The following DLGAP2 variants were observed in gnomAD, a reference collection of about 807,000 sequenced individuals.
The protein encoded by DLGAP2 is DLG associated protein 2, also known as disks large-associated protein 2.
DLGAP2 carries 26 observed loss-of-function variants against 100.3 expected under a neutral mutation model. That is an observed-to-expected ratio of 0.26 (90% CI 0.19 to 0.36). DLGAP2 has a LOEUF of 0.36. Among genes scored for constraint, DLGAP2 ranks in the 10% least tolerant of loss-of-function variants. The pLI is 1.00. For synonymous variants in DLGAP2, 886 were observed against 630.1 expected (o/e 1.41, Z -6.08); for missense variants, 1,858 against 1,453.2 (o/e 1.28, Z -4.53).
chr8:1,441,683 C>CAAAAAA (rs35789497), intron 3 of DLGAP2, among the ~76,000 whole-genome samples: 1 of 74,580 alleles, frequency 1.3e-5, no homozygotes, highest in Non-Finnish European at 3.1e-5. Flanking sequence ...GACTCCATCT[C>CAAAAAA]AAAAAAAAAA....
chr8:1,129,336 G>T (rs1448789194), intron 2 of DLGAP2, among the ~76,000 whole-genome samples: 1 of 151,072 alleles, frequency 6.6e-6, no homozygotes, highest in Non-Finnish European at 1.5e-5. Flanking sequence ...CCGGGAGGCA[G>T]AGGTTGTAGC....
chr8:1,043,367 T>C (rs1321434777), intron 2 of DLGAP2, among the ~76,000 whole-genome samples: 11 of 148,328 alleles, frequency 7.4e-5, no homozygotes, highest in Admixed American at 7.4e-4. Context: ...GTGTGGGTGG[T>C]GGACGTGGCT....
rs189117480 is a variant in DLGAP2 at position 1,114,684 on chromosome 8, C to T, written c.74-144167C>T. On this transcript the variant is annotated intron_variant, in intron 2 of 14. Coordinates refer to ENST00000637795, the MANE Select transcript of DLGAP2 (RefSeq NM_001346810.2). Reference sequence around the variant, plus strand: ...TCATTGATTTTTTTCAATGGTTTTTCGTGTCTTGATTTTCTTCAGCTCTGA... The same window carrying T: ...TCATTGATTTTTTTCAATGGTTTTTTGTGTCTTGATTTTCTTCAGCTCTGA... 2.6e-3 allele frequency among the ~76,000 whole-genome samples: 397 copies of T among 150,528 alleles called. 2 individuals are homozygous for T. The highest frequency in any genetic ancestry group is 8.8e-3 in the African/African-American group (361 of 40,930).
chr8:933,349 T>C lies in DLGAP2; in HGVS notation c.73+25383T>C, dbSNP rs373214224. ...TGCTGTGGACACCTGGCTGTGGGCA[T>C]GAGGGGAGGGTGAGGGCAGAGCCTG... On this transcript the variant is annotated intron_variant, in intron 2 of 14. Transcript: ENST00000637795. 4.8e-3 allele frequency among the ~76,000 whole-genome samples: 551 copies of C among 115,438 alleles called. 9 individuals are homozygous for C. Among genetic ancestry groups the C allele is most frequent in the Middle Eastern group, 0.014 (2 of 142 alleles). 75.7% of individuals were successfully genotyped at this position (115,438 alleles called of 152,430 possible). A position where few individuals can be genotyped will look rare whatever the true frequency, so the allele number is the denominator to read the frequency against.
intron 1 of DLGAP2, among the ~76,000 whole-genome samples, chr8:818,589 G>C (rs555487343): frequency 3.2e-4 from 48 of 152,306 alleles, no homozygotes; most frequent in Non-Finnish European, 6.3e-4. Flanking sequence ...AATGACGTGA[G>C]TCTCTACATG....
At chr8:927,327 C>T (rs1440105273) in intron 2 of DLGAP2, 1 of 773,506 alleles carries the variant, frequency 1.3e-6, no homozygotes, top group Non-Finnish European at 1.6e-6. Flanking sequence ...CATGTTGATT[C>T]AATGACTAAA....
intron 2 of DLGAP2, among the ~76,000 whole-genome samples, chr8:1,156,085 T>C (rs1472604503): frequency 6.6e-6 from 1 of 152,028 alleles, no homozygotes; most frequent in Non-Finnish European, 1.5e-5. Flanking sequence ...CAAGGAAAGC[T>C]CTTGGTACAG....
chr8:1,460,607 A>G (rs1037826423), intron 3 of DLGAP2, among the ~76,000 whole-genome samples: 2 of 152,154 alleles, frequency 1.3e-5, no homozygotes, highest in Admixed American at 6.5e-5. Flanking sequence ...CATTGATAGA[A>G]TTGTAAAATT....
At chr8:960,233 A>ATTTTTTTTTTTTTT (rs1228650565) in intron 2 of DLGAP2, among the ~76,000 whole-genome samples, 1 of 8,304 alleles carries the variant, frequency 1.2e-4, no homozygotes, top group African/African-American at 4.1e-4. Context: ...TTCCTGAAGT[A>ATTTTTTTTTTTTTT]TATCTTTTTT....
At chr8:1,437,813 C>CAAAAAAAAAAAA (rs59165125) in intron 3 of DLGAP2, among the ~76,000 whole-genome samples, 11 of 85,150 alleles carry the variant, frequency 1.3e-4, no homozygotes, top group East Asian at 3.9e-4. Flanking sequence ...ACTAAAAATA[C>CAAAAAAAAAAAA]AAAAAAAAAA....
At chr8:1,115,219 G>T (rs369393378) in intron 2 of DLGAP2, among the ~76,000 whole-genome samples, 1 of 152,208 alleles carries the variant, frequency 6.6e-6, no homozygotes, top group Non-Finnish European at 1.5e-5. Flanking sequence ...TTGGTCCAAT[G>T]TGGAGTTCAG....
intron 2 of DLGAP2, among the ~76,000 whole-genome samples, chr8:1,172,236 T>G (rs998005726): frequency 6.6e-6 from 1 of 152,206 alleles, no homozygotes; most frequent in African/African-American, 2.4e-5. Context: ...GCTTGTAGAG[T>G]TTCTGCCTAG....
At chr8:1,534,249 C>T (rs753461138) in intron 4 of DLGAP2, among the ~76,000 whole-genome samples, 2 of 152,096 alleles carry the variant, frequency 1.3e-5, no homozygotes, top group East Asian at 1.9e-4. Flanking sequence ...TTTTGTGAAG[C>T]GAAAAGTGTG....
intron 1 of DLGAP2, among the ~76,000 whole-genome samples, chr8:785,438 C>T (rs1821823822): frequency 6.6e-6 from 1 of 150,740 alleles, no homozygotes; most frequent in Admixed American, 6.6e-5. Flanking sequence ...CTTCTCTCCT[C>T]CCCTCAGGTC....
chr8:1,219,062 C>G (rs187096154), intron 2 of DLGAP2, among the ~76,000 whole-genome samples: 42 of 152,272 alleles, frequency 2.8e-4, no homozygotes, highest in African/African-American at 8.2e-4. Context: ...ATCATATAGT[C>G]TAAAGACAGG....
intron 2 of DLGAP2, among the ~76,000 whole-genome samples, chr8:1,022,327 G>A (rs1801648241): frequency 6.7e-6 from 1 of 149,030 alleles, no homozygotes; most frequent in Non-Finnish European, 1.5e-5. Flanking sequence ...CCCTGGGAGT[G>A]GACGGTCCCG....
intron 2 of DLGAP2, among the ~76,000 whole-genome samples, chr8:1,179,550 T>C (rs867840328): frequency 7.2e-5 from 11 of 152,270 alleles, no homozygotes; most frequent in Admixed American, 1.3e-4. Flanking sequence ...AAGTTTCCTT[T>C]TACTCAAGAC....
Position 1,076,989 on chromosome 8 carries a change from C to CG in DLGAP2, c.73+169023_73+169024insG, listed in dbSNP as rs1563179430. Among the ~76,000 whole-genome samples, 529 of 148,696 alleles carry CG rather than the reference C, an allele frequency of 3.6e-3. 25 individuals carry two copies. Among genetic ancestry groups the CG allele is most frequent in the African/African-American group, 0.012 (475 of 39,996 alleles). On this transcript the variant is annotated intron_variant, in intron 2 of 14. Transcript: ENST00000637795. ...GGGAGGAGGAGTCTGTCCCGGGCCC[C>CG]CCCAAGACCAAGAGGGTGGAGGAGG... is the stretch of plus-strand genomic sequence containing the variant.
chr8:950,229 T>C (rs185843867), intron 2 of DLGAP2, among the ~76,000 whole-genome samples: 2 of 152,286 alleles, frequency 1.3e-5, no homozygotes, highest in Admixed American at 1.3e-4. Flanking sequence ...TGCAGCTTCT[T>C]GATAACATGG....
Sources: allele counts gnomAD v4.1 joint callset (sites outside exome capture counted in the v4.1 genomes callset), GRCh38; gene constraint gnomAD v4.1.1; transcripts MANE v1.5; gene names NCBI Gene and HGNC (gene_info 2026-07-23, HGNC 2026-07-21).